LPIN3: variants seen among roughly 807,000 people sequenced by gnomAD.
LPIN3 encodes the protein phosphatidate phosphatase LPIN3.
A neutral mutation model predicts 94.7 loss-of-function variants in LPIN3; 82 were observed. That is an observed-to-expected ratio of 0.87 (90% CI 0.72 to 1.04). The LOEUF (loss-of-function observed/expected upper bound fraction) is 1.04. LPIN3 is among the 50% of genes least tolerant of loss of function. The probability of loss-of-function intolerance (pLI) is 0.00; values close to 1 mark genes in which losing one functional copy is unlikely to be tolerated. For synonymous variants in LPIN3, 418 were observed against 443.3 expected (o/e 0.94, Z 0.72); for missense variants, 996 against 1,090.5 (o/e 0.91, Z 1.22).
chr20:41,360,198 T>G lies in LPIN3; in HGVS notation c.*1332T>G, dbSNP rs1436398340. 6.6e-6 allele frequency: 1 copy of G among 152,608 alleles called. No homozygotes were observed. 9.5% of individuals were successfully genotyped at this position (152,608 alleles called of 1,614,324 possible). ...GGAACATGCATTTTCAAGTTGTCCA[T>G]TGATGGTTTCGTACCTGAATTTCTC... On this transcript the variant is annotated 3_prime_UTR_variant, in exon 20 of 20. Transcript: ENST00000373257.
intron 13 of LPIN3, among the ~76,000 whole-genome samples, 194 bp downstream of exon 13, chr20:41,355,057 CAGGCT>C (rs1483246512): frequency 1.3e-5 from 2 of 152,024 alleles, no homozygotes; most frequent in Non-Finnish European, 2.9e-5. Context: ...CTCTGTCACC[CAGGCT>C]GGAGTGCAGT....
At chr20:41,355,769 G>T in intron 13 of LPIN3, 127 bp from the exon 14 acceptor site, 1 of 1,221,432 alleles carries the variant, frequency 8.2e-7, no homozygotes, top group South Asian at 1.5e-5. Context: ...CACCTAGAGG[G>T]AGGGATCACT....
At chr20:41,348,934 G>C in intron 4 of LPIN3, 47 bp downstream of exon 4, 1 of 1,588,300 alleles carries the variant, frequency 6.3e-7, no homozygotes, top group African/African-American at 1.3e-5. Context: ...GGGTTCAAGT[G>C]CTGTTTCCTC....
chr20:41,358,592 C>T, intron 19 of LPIN3, 50 bp downstream of exon 19: 1 of 1,607,002 alleles, frequency 6.2e-7, no homozygotes, highest in Admixed American at 1.7e-5. Context: ...GTCCCCCTGC[C>T]CTGGCTTCTC....
chr20:41,357,472 G>C lies in LPIN3; in HGVS notation c.2039+25G>C. 1.9e-6 allele frequency: 3 copies of C among 1,587,922 alleles called. No homozygotes were observed. In the South Asian group the frequency reaches 3.3e-5, roughly 18 times the overall value. On this transcript the variant is annotated intron_variant, in intron 16 of 19. Transcript: ENST00000373257. ...TGTGAGTGCCTGGGCTGGGGCTGGG[G>C]CTGAGGCGAGGCCCCCAGCTCTAGA...
chr20:41,350,310 C>G lies in LPIN3; in HGVS notation c.1015C>G (p.Leu339Val). ...GACTCAGAGCTCTGGGGACATGGGCCTCCCTCCTGCCTCCAAGTCATGGAG... is the reference window on the plus strand; with the variant it reads ...GACTCAGAGCTCTGGGGACATGGGCGTCCCTCCTGCCTCCAAGTCATGGAG... Reference protein sequence around the residue: ...SKTQSSGDMGLPPASKSWSWA... With the variant: ...SKTQSSGDMGVPPASKSWSWA... Residue 339 changes from leucine (L) to valine (V), a missense_variant, in exon 7 of 20, where the codon CTC (leucine) becomes GTC (valine). Transcript: ENST00000373257. 1 of 1,612,130 alleles carries G rather than the reference C, an allele frequency of 6.2e-7. No homozygotes were observed. Among genetic ancestry groups the G allele is most frequent in the Non-Finnish European group, 8.5e-7 (1 of 1,178,522 alleles).
Position 41,345,809 on chromosome 20 carries a change from C to G in LPIN3, c.6C>G (p.Asn2Lys). M[N>K]YVGQLAETVF... Reference sequence around the variant, plus strand: ...TTTCTTTGCCAGCACCAGCCATGAACTACGTGGGGCAGCTGGCGGAGACGG... The same window carrying G: ...TTTCTTTGCCAGCACCAGCCATGAAGTACGTGGGGCAGCTGGCGGAGACGG... Residue 2 changes from asparagine to lysine, a missense_variant, in exon 2 of 20, where the codon AAC becomes AAG. Physicochemically the swap from Asn to Lys is moderately conservative, Grantham distance 94. Transcript: ENST00000373257. The G allele has an allele frequency of 2.5e-6, 4 of 1,610,840 alleles. No homozygotes were observed. Among genetic ancestry groups the G allele is most frequent in the Non-Finnish European group, 3.4e-6 (4 of 1,177,612 alleles).
chr20:41,351,078 C>CA (rs11309750), intron 7 of LPIN3, among the ~76,000 whole-genome samples: 191 of 139,308 alleles, frequency 1.4e-3, no homozygotes, highest in Non-Finnish European at 1.8e-3. Context: ...CCCATCTCTA[C>CA]AAAAAAAAAA....
At position 41,358,468 on chromosome 20, in the gene LPIN3, G is replaced by C. The variant is rs145669913; in HGVS notation, c.2337G>C (p.Leu779=). ...NDVFAYRQVG[L]PESRIFTVNP... ...TCTTTGCCTACCGGCAGGTGGGCCT[G>C]CCTGAGTCACGCATCTTCACAGTCA... Residue 779 remains leucine, a synonymous_variant, in exon 19 of 20, where the codon CTG becomes CTC. Transcript: ENST00000373257. 30 of 1,613,944 alleles carry C rather than the reference G, an allele frequency of 1.9e-5. No individual in the cohort carries two copies. Among genetic ancestry groups the C allele is most frequent in the East Asian group, 6.7e-5 (3 of 44,892 alleles).
At position 41,345,786 on chromosome 20, in the gene LPIN3, T is replaced by A. The variant is rs769797474; in HGVS notation, c.-8-10T>A. ...AGACCTTTGTGCAAGCCACTGCCTT[T>A]CTTTGCCAGCACCAGCCATGAACTA... On this transcript the variant is annotated splice_polypyrimidine_tract_variant and intron_variant, in intron 1 of 19. Transcript: ENST00000373257. 4.4e-6 allele frequency: 7 copies of A among 1,600,906 alleles called. No individual in the cohort carries two copies. Among genetic ancestry groups the A allele is most frequent in the Non-Finnish European group, 6.0e-6 (7 of 1,170,436 alleles).
chr20:41,347,423 G>A (rs1308154969), intron 2 of LPIN3, 129 bp from the exon 3 acceptor site: 27 of 804,318 alleles, frequency 3.4e-5, no homozygotes, highest in South Asian at 6.3e-5. Flanking sequence ...CTTGAGGTCC[G>A]GAGGGAGGGA....
At chr20:41,344,651 G>A (rs1416493085) in intron 1 of LPIN3, among the ~76,000 whole-genome samples, 2 of 152,186 alleles carry the variant, frequency 1.3e-5, no homozygotes, top group Non-Finnish European at 2.9e-5. Flanking sequence ...TCATAGCCCT[G>A]TTTTTTCTCT....
intron 4 of LPIN3, 78 bp downstream of exon 4, chr20:41,348,965 G>T (rs1473949599): frequency 8.2e-6 from 13 of 1,579,454 alleles, no homozygotes; most frequent in Non-Finnish European, 1.1e-5. Flanking sequence ...GTGTGACTTT[G>T]GGCAAGGGCC....
chr20:41,350,037 C>T lies in LPIN3; in HGVS notation c.760-18C>T. 6.3e-7 allele frequency: 1 copy of T among 1,577,036 alleles called. No homozygotes were observed. The highest frequency in any genetic ancestry group is 8.6e-7 in the Non-Finnish European group (1 of 1,157,612). On this transcript the variant is annotated intron_variant, in intron 6 of 19. Transcript: ENST00000373257. ...GCCTTACCCTGGCCCACATCTTCCT[C>T]CATTTGTTCCACTAAAGGTGGCCAG...
chr20:41,349,855 C>T lies in LPIN3; in HGVS notation c.720C>T (p.Ala240=), dbSNP rs150401004. The T allele has an allele frequency of 5.6e-4, 908 of 1,613,596 alleles. 2 individuals carry two copies. Among genetic ancestry groups the T allele is most frequent in the African/African-American group, 8.1e-4 (61 of 75,052 alleles). ...CCCCGGAGCCCAGTCCCCTAAGAGC[C>T]GAGTCCCACATGCAGTGGGCCTGGG... The part of the protein sequence containing the change: ...VRTPEPSPLR[A]ESHMQWAWGR... The change falls in exon 6 of 20, where the codon GCC becomes GCT. Residue 240 remains alanine, a synonymous_variant. Transcript: ENST00000373257.
At chr20:41,346,987 G>C (rs1028960349) in intron 2 of LPIN3, among the ~76,000 whole-genome samples, 1 of 152,204 alleles carries the variant, frequency 6.6e-6, no homozygotes, top group Admixed American at 6.5e-5. Flanking sequence ...CTCACTTGCT[G>C]TGAGGCTGCC....
At position 41,348,809 on chromosome 20, in the gene LPIN3, A is replaced by C. The variant is rs1360411872; in HGVS notation, c.479A>C (p.Asp160Ala). The change falls in exon 4 of 20, where the codon GAT (aspartate) becomes GCT (alanine). Residue 160 changes from aspartate to alanine, a missense_variant. Asp to Ala is a moderately radical substitution (Grantham distance 126). Transcript: ENST00000373257. ...CAGAAAGAGGATGCAGTGGCAACTG[A>C]TTCTAGTCCAGAGGAACTGGAGGCA... Reference protein sequence around the residue: ...PKQKEDAVATDSSPEELEAGA... With the variant: ...PKQKEDAVATASSPEELEAGA... 48 of 1,611,632 alleles carry C rather than the reference A, an allele frequency of 3.0e-5. No homozygotes were observed. Among genetic ancestry groups the C allele is most frequent in the Non-Finnish European group, 4.0e-5 (47 of 1,179,070 alleles).
chr20:41,357,541 A>C (rs535739210), intron 16 of LPIN3, 94 bp downstream of exon 16: 1 of 1,133,688 alleles, frequency 8.8e-7, no homozygotes, highest in East Asian at 2.4e-5. Flanking sequence ...AGCAGGGCCC[A>C]CAAGGCAGGC....
chr20:41,355,311 T>A (rs1456299922), intron 13 of LPIN3, among the ~76,000 whole-genome samples: 1 of 152,174 alleles, frequency 6.6e-6, no homozygotes, highest in Non-Finnish European at 1.5e-5. Flanking sequence ...CCGCAAGCAC[T>A]TCTATACCTT....
Sources: gnomAD v4.1 joint callset for allele counts (sites outside exome capture counted in the v4.1 genomes callset) on GRCh38, gnomAD v4.1.1 for gene constraint, MANE v1.5 for transcripts, NCBI Gene and HGNC (gene_info 2026-07-23, HGNC 2026-07-21) for gene names.